The following PHRF1 variants were observed in gnomAD, a reference collection of about 807,000 sequenced individuals.
PHRF1 encodes PHD and RING finger domain-containing protein 1.
In PHRF1, 53 loss-of-function variants were observed where a neutral mutation model predicts 128.9. That is an observed-to-expected ratio of 0.41 (90% confidence interval 0.33 to 0.52). PHRF1 has a LOEUF of 0.52. Among genes scored for constraint, PHRF1 ranks in the 20% least tolerant of loss-of-function variants. PHRF1 has a pLI of 0.21. For synonymous variants in PHRF1, 1,178 were observed against 980.6 expected, an observed-to-expected ratio of 1.20 and a Z score of -3.76; for missense variants, 2,503 against 2,284.5, an observed-to-expected ratio of 1.10 and a Z score of -1.95.
Position 608,254 on chromosome 11 carries a change from G to C in PHRF1, c.2798G>C (p.Arg933Pro). ...AGCCAGGGCCTGGCTGCCCGGCTGC[G>C]GAGGCCATCCCCCCCAGAGCCCTGG... ...TESQGLAARL[R>P]RPSPPEPWDE... The change falls in exon 14 of 18, where the codon CGG becomes CCG. Residue 933 changes from arginine (R) to proline (P), a missense_variant. Arg to Pro is a moderately radical substitution (Grantham distance 103). Transcript: ENST00000264555. The C allele has an allele frequency of 6.2e-7, 1 of 1,609,846 alleles. No homozygotes were observed. Among genetic ancestry groups the C allele is most frequent in the Non-Finnish European group, 8.5e-7 (1 of 1,179,620 alleles).
chr11:609,818 C>G, intron 14 of PHRF1, 98 bp downstream of exon 14: 1 of 810,194 alleles, frequency 1.2e-6, no homozygotes. Context: ...AGGCCCCGGC[C>G]TCCACCGAGG....
At chr11:609,807 A>AGGGCCCTGGCCTCC (rs1856247841) in intron 14 of PHRF1, 87 bp downstream of exon 14, 1 of 871,270 alleles carries the variant, frequency 1.1e-6, no homozygotes, top group African/African-American at 2.4e-5. Flanking sequence ...CCCCGTGAGT[A>AGGGCCCTGGCCTCC]AGGCCCCGGC....
chr11:595,539 T>C (rs998268107), intron 6 of PHRF1, among the ~76,000 whole-genome samples: 11 of 152,200 alleles, frequency 7.2e-5, no homozygotes, highest in Non-Finnish European at 1.6e-4. Flanking sequence ...GGTGGAGCCA[T>C]GGGTGCCTGC....
At chr11:592,264 C>T (rs919595576) in intron 5 of PHRF1, among the ~76,000 whole-genome samples, 1 of 151,596 alleles carries the variant, frequency 6.6e-6, no homozygotes, top group Non-Finnish European at 1.5e-5. Flanking sequence ...CGTGGCAGTC[C>T]AGCACCTGCT....
At chr11:604,080 C>T (rs1012359431) in intron 10 of PHRF1, among the ~76,000 whole-genome samples, 2 of 152,218 alleles carry the variant, frequency 1.3e-5, no homozygotes, top group African/African-American at 4.8e-5. Flanking sequence ...GGAGTAGAAG[C>T]TAAAGCCATG....
intron 6 of PHRF1, among the ~76,000 whole-genome samples, chr11:594,242 G>A (rs1007846910): frequency 6.6e-6 from 1 of 152,140 alleles, no homozygotes; most frequent in Admixed American, 6.5e-5. Context: ...GCCTGGAATC[G>A]CTGGACACGG....
At chr11:599,253 C>CTTTTTTTTTTTTTTTTTTTTTTTTTTT (rs754658303) in intron 9 of PHRF1, among the ~76,000 whole-genome samples, 4 of 104,990 alleles carry the variant, frequency 3.8e-5, no homozygotes, top group Admixed American at 1.1e-4. Flanking sequence ...TTTTTCTTTT[C>CTTTTTTTTTTTTTTTTTTTTTTTTTTT]TTTTTTTTTT....
chr11:607,861 C>G lies in PHRF1; in HGVS notation c.2405C>G (p.Pro802Arg). 1.9e-6 allele frequency: 3 copies of G among 1,612,832 alleles called. No individual in the cohort carries two copies. Among genetic ancestry groups the G allele is most frequent in the Non-Finnish European group, 2.5e-6 (3 of 1,179,886 alleles). ...SSPGFCNTFR[P>R]VDDKEQRKEN... ...CCTGGCTTCTGTAACACGTTCCGGC[C>G]TGTGGACGATAAGGAGCAGAGGAAG... Residue 802 changes from proline (P) to arginine (R), a missense_variant, in exon 14 of 18, where the codon CCT (proline) becomes CGT (arginine). Coordinates refer to ENST00000264555, the MANE Select transcript of PHRF1 (RefSeq NM_001286581.2).
Position 605,723 on chromosome 11 carries a change from A to G in PHRF1, c.1453A>G (p.Arg485Gly). 1 of 1,608,620 alleles carries G rather than the reference A, an allele frequency of 6.2e-7. No individual in the cohort carries two copies. Among genetic ancestry groups the G allele is most frequent in the Non-Finnish European group, 8.5e-7 (1 of 1,179,114 alleles). ...CAGGCCCGTCTCCGTGGGGCTTTCCAGGTGTGTGAGGGCAGAGGCTTCTGG... is the reference window on the plus strand; with the variant it reads ...CAGGCCCGTCTCCGTGGGGCTTTCCGGGTGTGTGAGGGCAGAGGCTTCTGG... ...VARPVSVGLS[R>G]RRLPAAVPEP... The change falls in exon 12 of 18, where the codon AGG becomes GGG. Residue 485 changes from arginine to glycine, a missense_variant and splice_region_variant. Transcript: ENST00000264555.
intron 13 of PHRF1, 43 bp downstream of exon 13, chr11:606,639 T>C (rs371197482): frequency 2.6e-6 from 4 of 1,561,272 alleles, no homozygotes; most frequent in African/African-American, 1.4e-5. Flanking sequence ...TGTGGGCTGC[T>C]GGTCCTCAGG....
At chr11:594,359 G>C (rs902505020) in intron 6 of PHRF1, among the ~76,000 whole-genome samples, 4 of 152,258 alleles carry the variant, frequency 2.6e-5, no homozygotes, top group African/African-American at 9.6e-5. Context: ...TGGCTCGAGG[G>C]CAGCTGGTAG....
intron 14 of PHRF1, among the ~76,000 whole-genome samples, 179 bp from the exon 15 acceptor site, chr11:610,017 G>A (rs780290180): frequency 6.6e-6 from 1 of 152,218 alleles, no homozygotes; most frequent in Non-Finnish European, 1.5e-5. Flanking sequence ...GGTCATGGTC[G>A]GGGATCAGTG....
chr11:587,266 G>C lies in PHRF1; in HGVS notation c.222G>C (p.Glu74Asp), dbSNP rs759532390. The change falls in exon 4 of 18, where the codon GAG becomes GAC. Residue 74 changes from glutamate to aspartate, a missense_variant. Transcript: ENST00000264555. Reference sequence around the variant, plus strand: ...GGCATGTTTCCTCTCCAGGTTCCGAGGATTCTGAAGACGACGGGGAGACAT... The same window carrying C: ...GGCATGTTTCCTCTCCAGGTTCCGACGATTCTGAAGACGACGGGGAGACAT... ...EEDLEDRSGS[E>D]DSEDDGETLL... The C allele has an allele frequency of 6.8e-6, 11 of 1,613,222 alleles. No individual in the cohort carries two copies. Among genetic ancestry groups the C allele is most frequent in the Admixed American group, 6.7e-5 (4 of 59,982 alleles).
intron 4 of PHRF1, among the ~76,000 whole-genome samples, chr11:587,699 A>G (rs1013550303): frequency 2.0e-5 from 3 of 151,964 alleles, no homozygotes; most frequent in Non-Finnish European, 4.4e-5. Flanking sequence ...AGGAGAGAGG[A>G]TGGCCGTGGG....
chr11:607,077 T>C lies in PHRF1; in HGVS notation c.1621T>C (p.Phe541Leu). 6.4e-7 allele frequency: 1 copy of C among 1,554,560 alleles called. No individual in the cohort carries two copies. Among genetic ancestry groups the C allele is most frequent in the Non-Finnish European group, 8.7e-7 (1 of 1,149,368 alleles). Residue 541 changes from phenylalanine to leucine, a missense_variant, in exon 14 of 18, where the codon TTT (phenylalanine) becomes CTT (leucine). Phe to Leu is a conservative substitution (Grantham distance 22). Coordinates refer to ENST00000264555, the MANE Select transcript of PHRF1 (RefSeq NM_001286581.2). ...TTTTTGTTTTTTAGCTCCAGTTTCT[T>C]TTCAGCGAAACTCAGGCAGTCTGTC... The part of the protein sequence containing the change: ...LSAKRAAPVS[F>L]QRNSGSLSRG...
At position 609,222 on chromosome 11, in the gene PHRF1, G is replaced by A. The variant is rs768476162; in HGVS notation, c.3766G>A (p.Asp1256Asn). The change falls in exon 14 of 18, where the codon GAC (aspartate) becomes AAC (asparagine). Residue 1256 changes from aspartate (D) to asparagine (N), a missense_variant. Asp to Asn is a conservative substitution (Grantham distance 23). Transcript: ENST00000264555. ...LEVAAECEPD[D>N]LDLDYGDSVE... ...GGTGGCAGCTGAGTGTGAGCCGGAC[G>A]ACCTGGACCTGGATTATGGCGACTC... 7.5e-6 allele frequency: 12 copies of A among 1,610,044 alleles called. No individual in the cohort carries two copies. In the South Asian group the frequency reaches 1.1e-4, roughly 15 times the overall value.
rs1221500267 is a variant in PHRF1, at chr11:611,167, G to T, written c.4806+85G>T. On this transcript the variant is annotated intron_variant, in intron 17 of 17. Transcript: ENST00000264555. ...TCTCGTCAGCATGGACTTTGGGGTGGCCATGAGTGCAGGCCCGAGGTCAGC... is the reference window on the plus strand; with the variant it reads ...TCTCGTCAGCATGGACTTTGGGGTGTCCATGAGTGCAGGCCCGAGGTCAGC... 11 of 1,574,772 alleles carry T rather than the reference G, an allele frequency of 7.0e-6. No homozygotes were observed. The Admixed American group carries it at 1.9e-4, about 27-fold the overall frequency.
At position 609,554 on chromosome 11, in the gene PHRF1, G is replaced by A. The variant is rs371455113; in HGVS notation, c.4098G>A (p.Ala1366=). ...EAPSSPDVAP[A]GKEDSPSASG... is the part of the protein sequence containing the mutation. ...CCAGTTCCCCGGATGTGGCGCCTGC[G>A]GGGAAGGAAGACAGCCCCTCTGCGA... Residue 1366 remains alanine (A), a synonymous_variant, in exon 14 of 18, where the codon GCG becomes GCA. Coordinates refer to ENST00000264555, the MANE Select transcript of PHRF1 (RefSeq NM_001286581.2). The A allele has an allele frequency of 8.6e-5, 138 of 1,599,038 alleles. No homozygotes were observed. Among genetic ancestry groups the A allele is most frequent in the Non-Finnish European group, 1.1e-4 (131 of 1,174,924 alleles).
At chr11:593,924 T>A (rs1014037721) in intron 6 of PHRF1, among the ~76,000 whole-genome samples, 6 of 152,174 alleles carry the variant, frequency 3.9e-5, no homozygotes, top group Admixed American at 1.3e-4. Flanking sequence ...GGTCCTCACC[T>A]CCTCAGGGTT....
Sources: allele counts gnomAD v4.1 joint callset (sites outside exome capture counted in the v4.1 genomes callset), GRCh38; gene constraint gnomAD v4.1.1; transcripts MANE v1.5; gene names NCBI Gene and HGNC (gene_info 2026-07-23, HGNC 2026-07-21).